FUZ: variants seen among roughly 807,000 people sequenced by gnomAD.
FUZ encodes protein fuzzy homolog.
In FUZ, 31 loss-of-function variants were observed where a neutral mutation model predicts 43.1. The observed-to-expected ratio is 0.72, with a 90% CI of 0.54 to 0.97. The LOEUF is 0.97. Among genes scored for constraint, FUZ ranks in the 50% least tolerant of loss-of-function variants. The pLI, the probability that FUZ is intolerant of heterozygous loss-of-function variation, is 0.00. For synonymous variants in FUZ, 274 were observed against 250.0 expected (o/e 1.10, Z -0.91); for missense variants, 539 against 543.8 (o/e 0.99, Z 0.09).
intron 8 of FUZ, 30 bp from the exon 9 acceptor site, chr19:49,808,668 T>C: frequency 6.2e-7 from 1 of 1,610,390 alleles, no homozygotes; most frequent in Non-Finnish European, 8.5e-7. Flanking sequence ...ATGTCATGGC[T>C]GGGGAAGAGG....
At chr19:49,810,413 G>A (rs1418721923) in intron 5 of FUZ, among the ~76,000 whole-genome samples, 2 of 151,792 alleles carry the variant, frequency 1.3e-5, no homozygotes, top group Admixed American at 1.3e-4. Context: ...GGTGGCTCAT[G>A]CCTGTAATCC....
At chr19:49,811,936 C>T (rs372911575) in intron 3 of FUZ, among the ~76,000 whole-genome samples, 13 of 152,052 alleles carry the variant, frequency 8.5e-5, no homozygotes, top group South Asian at 6.2e-4. Context: ...GGTGAAACCC[C>T]GTCTCTACAA....
rs748621332 is a variant in FUZ at position 49,811,470 on chromosome 19, A to G, written c.388-3T>C. The G allele has an allele frequency of 1.9e-6, 3 of 1,613,502 alleles. No individual in the cohort carries two copies. In the Admixed American group the frequency reaches 5.0e-5, roughly 27 times the overall value. ...CTGTCGATGAGGCAATAACTGGCCTAGGAGAGGAAGAAGGGACCAGCCTAG... is the reference window on the plus strand; with the variant it reads ...CTGTCGATGAGGCAATAACTGGCCTGGGAGAGGAAGAAGGGACCAGCCTAG... On this transcript the variant is annotated splice_region_variant and splice_polypyrimidine_tract_variant and intron_variant, in intron 4 of 10. Transcript: ENST00000313777.
chr19:49,812,009 G>A (rs2123833121), intron 3 of FUZ, among the ~76,000 whole-genome samples: 1 of 152,342 alleles, frequency 6.6e-6, no homozygotes, highest in East Asian at 1.9e-4. Flanking sequence ...TTGGGAAGCT[G>A]AGGCACGAGA....
Position 49,807,013 on chromosome 19 carries a change from T to C in FUZ, c.*138A>G, listed in dbSNP as rs763820553. 17 of 1,517,798 alleles carry C rather than the reference T, an allele frequency of 1.1e-5. No individual in the cohort carries two copies. The highest frequency in any genetic ancestry group is 1.3e-5 in the Non-Finnish European group (15 of 1,135,208). 94.0% of individuals were successfully genotyped at this position (1,517,798 alleles called of 1,614,324 possible). On this transcript the variant is annotated 3_prime_UTR_variant, in exon 11 of 11. Transcript: ENST00000313777. ...AGGGGAGAGGGGCCAGGGAAGTGGA[T>C]GTCTCCTCCCCTCCCACCCCACCCT...
In FUZ at chr19:49,810,808, C is replaced by G. The variant is rs568316783; in HGVS notation, c.492+555G>C. On this transcript the variant is annotated intron_variant, in intron 5 of 10. Transcript: ENST00000313777. ...AAGGCTGCAGTGAGCTATGACTGAGCCACTGTGCTCTAGCCTGGATGACAG... is the reference window on the plus strand; with the variant it reads ...AAGGCTGCAGTGAGCTATGACTGAGGCACTGTGCTCTAGCCTGGATGACAG... 3.3e-5 allele frequency among the ~76,000 whole-genome samples: 5 copies of G among 152,116 alleles called. No homozygotes were observed. The South Asian group carries it at 1.0e-3, about 31-fold the overall frequency.
chr19:49,808,103 G>T, intron 10 of FUZ: 1 of 446,314 alleles, frequency 2.2e-6, no homozygotes. Flanking sequence ...GAGGTAATGG[G>T]ATAGTCCTCA....
chr19:49,810,763 T>C (rs2073736627), intron 5 of FUZ, among the ~76,000 whole-genome samples: 3 of 150,948 alleles, frequency 2.0e-5, no homozygotes, highest in Admixed American at 6.6e-5. Context: ...GATGAGAGGA[T>C]CACTTGAATC....
chr19:49,809,405 C>T lies in FUZ; in HGVS notation c.663G>A (p.Pro221=), dbSNP rs2073636442. The T allele has an allele frequency of 6.5e-7, 1 of 1,543,512 alleles. No homozygotes were observed. The highest frequency in any genetic ancestry group is 8.7e-7 in the Non-Finnish European group (1 of 1,146,830). Reference sequence around the variant, plus strand: ...TGGGGCTCCCGTGCGGCAGGTACACCGGGTAGTCGCGAGCGGTCTGCGGCG... The same window carrying T: ...TGGGGCTCCCGTGCGGCAGGTACACTGGGTAGTCGCGAGCGGTCTGCGGCG... The part of the protein sequence containing the change: ...SLPPQTARDY[P]VYLPHGSPTV... Residue 221 remains proline, a synonymous_variant, in exon 6 of 11, where the codon CCG becomes CCA. Transcript: ENST00000313777. This position sits in a 1 kb window ranked among gnomAD's most constrained non-coding sequence, Gnocchi z 5.1.
In FUZ at chr19:49,809,451, G is replaced by T; in HGVS notation, c.617C>A (p.Pro206His). Residue 206 changes from proline (P) to histidine (H), a missense_variant, in exon 6 of 11, where the codon CCC becomes CAC. Coordinates refer to ENST00000313777, the MANE Select transcript of FUZ (RefSeq NM_025129.5). The surrounding 1 kb of genome is among the most constrained non-coding windows in gnomAD (Gnocchi z 5.1). Reference protein sequence around the residue: ...RLGTPEAVLLPWLVGSLPPQT... With the variant: ...RLGTPEAVLLHWLVGSLPPQT... ...CGGCGGCAGGGACCCCACCAGCCAG[G>T]GGAGCAGCACGGCCTCGGGCGTCCC... 6.4e-7 allele frequency: 1 copy of T among 1,551,698 alleles called. No homozygotes were observed.
chr19:49,812,770 C>G lies in FUZ; in HGVS notation c.112-34G>C, dbSNP rs201062395. On this transcript the variant is annotated intron_variant, in intron 1 of 10. Transcript: ENST00000313777. Reference sequence around the variant, plus strand: ...GGGTTAGGGACATCAGACAAGAGCACCCCCCCATCCCCTTCCCCCTTAGGA... The same window carrying G: ...GGGTTAGGGACATCAGACAAGAGCAGCCCCCCATCCCCTTCCCCCTTAGGA... 3 of 1,606,088 alleles carry G rather than the reference C, an allele frequency of 1.9e-6. No individual in the cohort carries two copies. In the African/African-American group the frequency reaches 4.0e-5, roughly 22 times the overall value.
chr19:49,809,919 A>G lies in FUZ; in HGVS notation c.493-344T>C. ...TAGAGAAGCCAAGTCACCTGCTGAG[A>G]GTCACATGCCTGGGAGGCCGCCACA... On this transcript the variant is annotated intron_variant, in intron 5 of 10. Transcript: ENST00000313777. This position sits in a 1 kb window ranked among gnomAD's most constrained non-coding sequence, Gnocchi z 5.1. 1 of 416,146 alleles carries G rather than the reference A, an allele frequency of 2.4e-6. No individual in the cohort carries two copies. Among genetic ancestry groups the G allele is most frequent in the Admixed American group, 3.8e-5 (1 of 26,336 alleles). 25.8% of individuals were successfully genotyped at this position (416,146 alleles called of 1,614,324 possible).
In FUZ at chr19:49,807,015, T is replaced by C. The variant is rs1373264986; in HGVS notation, c.*136A>G. 6.6e-7 allele frequency: 1 copy of C among 1,511,264 alleles called. No individual in the cohort carries two copies. The highest frequency in any genetic ancestry group is 2.0e-5 in the Admixed American group (1 of 50,098). The allele number at this position is 1,511,264 out of a possible 1,614,324, so 93.6% of individuals were successfully genotyped here. ...GGGAGAGGGGCCAGGGAAGTGGATG[T>C]CTCCTCCCCTCCCACCCCACCCTGT... is the stretch of plus-strand genomic sequence containing the variant. On this transcript the variant is annotated 3_prime_UTR_variant, in exon 11 of 11. Coordinates refer to ENST00000313777, the MANE Select transcript of FUZ (RefSeq NM_025129.5).
intron 3 of FUZ, 69 bp from the exon 4 acceptor site, chr19:49,811,768 G>A (rs2073807565): frequency 7.6e-7 from 1 of 1,310,474 alleles, no homozygotes; most frequent in East Asian, 2.3e-5. Flanking sequence ...GAAGGAAGAG[G>A]GGGCTGGGAC....
chr19:49,808,609 C>G lies in FUZ; in HGVS notation c.923G>C (p.Arg308Pro). The G allele has an allele frequency of 6.2e-7, 1 of 1,613,170 alleles. No individual in the cohort carries two copies. The highest frequency in any genetic ancestry group is 8.5e-7 in the Non-Finnish European group (1 of 1,179,664). The part of the protein sequence containing the change: ...GLLLLHLELK[R>P]CLFTVEPLGD... ...CAAGGGCTCCACGGTGAAGAGGCAG[C>G]GCTTCAGTTCCAGGTGGAGGAGCAG... The change falls in exon 9 of 11, where the codon CGC (arginine) becomes CCC (proline). Residue 308 changes from arginine (R) to proline (P), a missense_variant. Physicochemically the swap from Arg to Pro is moderately radical, Grantham distance 103. Transcript: ENST00000313777.
At chr19:49,813,401 A>T (rs571655708), upstream of FUZ, 1 of 488,214 alleles carries the variant, frequency 2.0e-6, no homozygotes, top group Admixed American at 3.2e-5. Context: ...TTCTCCGAGG[A>T]GGTAAAGAGA....
At chr19:49,811,510 C>A (rs2073790038) in intron 4 of FUZ, 43 bp from the exon 5 acceptor site, 2 of 1,594,664 alleles carry the variant, frequency 1.3e-6, no homozygotes, top group Admixed American at 1.7e-5. Context: ...CAAGTGGGCC[C>A]AGGGTCAGAC....
Position 49,809,767 on chromosome 19 carries a change from C to T in FUZ, c.493-192G>A. On this transcript the variant is annotated intron_variant, in intron 5 of 10. Transcript: ENST00000313777. The surrounding 1 kb of genome is among the most constrained non-coding windows in gnomAD (Gnocchi z 5.1). ...CATACGAAGTCACATCCCCAACTCA[C>T]ACTGTGAAGTCTGTGAAATCTGATT... 1.6e-6 allele frequency: 1 copy of T among 634,092 alleles called. No individual in the cohort carries two copies. Among genetic ancestry groups the T allele is most frequent in the South Asian group, 1.8e-5 (1 of 54,510 alleles). The allele number at this position is 634,092 out of a possible 1,614,324, so 39.3% of individuals were successfully genotyped here.
chr19:49,813,095 C>T lies in FUZ; in HGVS notation c.12G>A (p.Glu4=), dbSNP rs1220559710. The change falls in exon 1 of 11, where the codon GAG becomes GAA. Residue 4 remains glutamate (E), a synonymous_variant. Transcript: ENST00000313777. MGE[E]GTGGTVHLLC... ...GCAGATGCACAGTGCCGCCCGTCCC[C>T]TCCTCCCCCATTTAGGACTCCCACC... 1.3e-6 allele frequency: 2 copies of T among 1,551,226 alleles called. No individual in the cohort carries two copies. Among genetic ancestry groups the T allele is most frequent in the Non-Finnish European group, 1.7e-6 (2 of 1,146,938 alleles).
Sources: gnomAD v4.1 joint callset for allele counts (sites outside exome capture counted in the v4.1 genomes callset) on GRCh38, gnomAD v4.1.1 for gene constraint, Gnocchi (gnomAD v3.1) non-coding constraint, MANE v1.5 for transcripts, NCBI Gene and HGNC (gene_info 2026-07-23, HGNC 2026-07-21) for gene names.